FAM168A: variants seen among roughly 807,000 people sequenced by gnomAD.
FAM168A encodes the protein protein FAM168A.
Under a neutral mutation model 28.5 loss-of-function variants are expected in FAM168A, and 3 were observed. The observed-to-expected ratio is 0.11, with a 90% CI of 0.05 to 0.27. The LOEUF is 0.27. Among genes scored for constraint, FAM168A ranks in the 10% least tolerant of loss-of-function variants. The probability of loss-of-function intolerance (pLI) is 1.00; values close to 1 mark genes in which losing one functional copy is unlikely to be tolerated. For missense variants in FAM168A, 222 were observed against 311.5 expected (o/e 0.71, Z 2.16); for synonymous variants, 122 against 124.2 (o/e 0.98, Z 0.12).
At chr11:73,450,526 G>C (rs1228541299) in intron 2 of FAM168A, among the ~76,000 whole-genome samples, 1 of 152,182 alleles carries the variant, frequency 6.6e-6, no homozygotes, top group Non-Finnish European at 1.5e-5. Context: ...ATTAGTCACA[G>C]AGACTTTGGA....
chr11:73,426,545 T>A (rs887560772), intron 3 of FAM168A, among the ~76,000 whole-genome samples: 49 of 152,160 alleles, frequency 3.2e-4, no homozygotes, highest in South Asian at 1.7e-3. Flanking sequence ...GGCAGGAAGG[T>A]GAGAGTAACC....
At chr11:73,539,038 G>C (rs1033992763) in intron 1 of FAM168A, among the ~76,000 whole-genome samples, 5 of 152,168 alleles carry the variant, frequency 3.3e-5, no homozygotes, top group Non-Finnish European at 4.4e-5. Flanking sequence ...ATAAGATAAT[G>C]TTAAGTAAAG....
chr11:73,485,107 A>C (rs777308971), intron 1 of FAM168A, among the ~76,000 whole-genome samples: 7 of 152,198 alleles, frequency 4.6e-5, no homozygotes, highest in Admixed American at 1.3e-4. Flanking sequence ...AATCCAATCA[A>C]GTTGACACTC....
At chr11:73,546,732 C>CG (rs1943759019) in intron 1 of FAM168A, among the ~76,000 whole-genome samples, 1 of 77,350 alleles carries the variant, frequency 1.3e-5, no homozygotes, top group Non-Finnish European at 3.0e-5. Flanking sequence ...AACTCCATCT[C>CG]AAAAAAAAAA....
At chr11:73,592,589 A>C (rs182025364) in intron 1 of FAM168A, among the ~76,000 whole-genome samples, 197 of 152,214 alleles carry the variant, frequency 1.3e-3, no homozygotes, top group Non-Finnish European at 2.4e-3. Flanking sequence ...AAAACCACAT[A>C]AAAGGAGGAG....
At chr11:73,460,419 T>G (rs1867624043) in intron 2 of FAM168A, among the ~76,000 whole-genome samples, 1 of 151,860 alleles carries the variant, frequency 6.6e-6, no homozygotes, top group African/African-American at 2.4e-5. Flanking sequence ...CAAAATTTAC[T>G]GAGAGCCAAC....
intron 1 of FAM168A, among the ~76,000 whole-genome samples, chr11:73,551,008 G>A (rs1943821357): frequency 1.3e-5 from 2 of 152,000 alleles, no homozygotes; most frequent in Admixed American, 1.3e-4. Context: ...CTACTGGGGA[G>A]GCTGAGGCGG....
intron 1 of FAM168A, among the ~76,000 whole-genome samples, chr11:73,575,082 G>A (rs1944155735): frequency 6.6e-6 from 1 of 152,112 alleles, no homozygotes; most frequent in Admixed American, 6.5e-5. Flanking sequence ...AAGAGTAAGG[G>A]TTATCCAATG....
chr11:73,561,986 A>G (rs59991976), intron 1 of FAM168A, among the ~76,000 whole-genome samples: 2,761 of 152,142 alleles, frequency 0.018, 64 homozygotes, highest in African/African-American at 0.056. Flanking sequence ...TCTGTAGCCC[A>G]GGCTGGAGTG....
intron 1 of FAM168A, among the ~76,000 whole-genome samples, chr11:73,570,254 C>A (rs1944070698): frequency 6.6e-6 from 1 of 152,148 alleles, no homozygotes; most frequent in Non-Finnish European, 1.5e-5. Context: ...TCAGTTCTCT[C>A]CTCTATAAAA....
intron 1 of FAM168A, among the ~76,000 whole-genome samples, chr11:73,477,921 G>GTAGACAGATAGA (rs1253454427): frequency 7.3e-4 from 108 of 147,312 alleles, no homozygotes; most frequent in African/African-American, 2.5e-3. Context: ...AAGCTGATAT[G>GTAGACAGATAGA]TAGATAGATA....
chr11:73,553,921 G>A (rs895606480), intron 1 of FAM168A, among the ~76,000 whole-genome samples: 7 of 152,048 alleles, frequency 4.6e-5, no homozygotes, highest in Non-Finnish European at 1.0e-4. Context: ...CCCAGGAGGC[G>A]GAGGTTGCAG....
intron 1 of FAM168A, among the ~76,000 whole-genome samples, chr11:73,533,505 AC>A (rs1943540513): frequency 6.6e-6 from 1 of 152,178 alleles, no homozygotes; most frequent in Non-Finnish European, 1.5e-5. Flanking sequence ...GAGAAAAGTG[AC>A]CAAGTAAGAA....
At chr11:73,575,054 G>A (rs1245393714) in intron 1 of FAM168A, among the ~76,000 whole-genome samples, 1 of 152,084 alleles carries the variant, frequency 6.6e-6, no homozygotes, top group Non-Finnish European at 1.5e-5. Context: ...TTGCAGATGA[G>A]CAAAATAAGG....
At chr11:73,460,271 C>CAAGGA in intron 2 of FAM168A, among the ~76,000 whole-genome samples, 1 of 152,140 alleles carries the variant, frequency 6.6e-6, no homozygotes, top group African/African-American at 2.4e-5. Flanking sequence ...TATCAGAGGG[C>CAAGGA]TACTCATTAG....
rs575731642 is a variant in FAM168A at position 73,516,873 on chromosome 11, G to T, written c.-18-48381C>A. 1.7e-4 allele frequency among the ~76,000 whole-genome samples: 26 copies of T among 152,246 alleles called. No homozygotes were observed. The South Asian group carries it at 5.4e-3, about 32-fold the overall frequency. On this transcript the variant is annotated intron_variant, in intron 1 of 7. Coordinates refer to ENST00000356467, the MANE Select transcript of FAM168A (RefSeq NM_015159.3). ...TTTATTATGCACTTTCTATGTGCCT[G>T]CTCAATCTTACAGAAGCAGCAATAA...
intron 1 of FAM168A, among the ~76,000 whole-genome samples, chr11:73,569,375 G>C (rs1944059271): frequency 1.3e-5 from 2 of 152,196 alleles, no homozygotes; most frequent in South Asian, 4.1e-4. Context: ...CCACCTTCAA[G>C]TAGCTCTCAA....
intron 4 of FAM168A, among the ~76,000 whole-genome samples, chr11:73,414,055 C>T (rs1430744867): frequency 6.6e-6 from 1 of 152,090 alleles, no homozygotes; most frequent in Non-Finnish European, 1.5e-5. Flanking sequence ...AGAGCAGGAC[C>T]CTGTCTCTTA....
intron 1 of FAM168A, among the ~76,000 whole-genome samples, chr11:73,543,123 C>A (rs1186841643): frequency 6.6e-6 from 1 of 152,130 alleles, no homozygotes; most frequent in African/African-American, 2.4e-5. Flanking sequence ...ACCCTTTTCC[C>A]ATACACTGCC....
Sources: allele counts gnomAD v4.1 joint callset (sites outside exome capture counted in the v4.1 genomes callset), GRCh38; gene constraint gnomAD v4.1.1; transcripts MANE v1.5; gene names NCBI Gene and HGNC (gene_info 2026-07-23, HGNC 2026-07-21).